Variants in ALG8 observed in about 807,000 individuals in gnomAD.
ALG8 encodes ALG8 alpha-1,3-glucosyltransferase.
A neutral mutation model predicts 70.2 loss-of-function variants in ALG8; 48 were observed. The observed-to-expected ratio is 0.68, with a 90% CI of 0.54 to 0.87. The LOEUF is 0.87. ALG8 is among the 40% of genes least tolerant of loss of function. The pLI is 0.00. For synonymous variants in ALG8, 234 were observed against 229.0 expected, an observed-to-expected ratio of 1.02 and a Z score of -0.20; for missense variants, 572 against 608.7, an observed-to-expected ratio of 0.94 and a Z score of 0.64.
At chr11:78,107,918 A>G (rs1860118029) in intron 9 of ALG8, among the ~76,000 whole-genome samples, 1 of 151,732 alleles carries the variant, frequency 6.6e-6, no homozygotes, top group African/African-American at 2.4e-5. Context: ...AGGCTGATGC[A>G]AGTCGATTAC....
chr11:78,106,977 T>C (rs1215895305), intron 9 of ALG8, 31 bp from the exon 10 acceptor site: 8 of 1,612,770 alleles, frequency 5.0e-6, no homozygotes, highest in Non-Finnish European at 6.8e-6. Context: ...TAAACTTCAG[T>C]ATCATTTGAA....
chr11:78,109,951 A>C (rs1480834608), intron 8 of ALG8, among the ~76,000 whole-genome samples: 1 of 152,100 alleles, frequency 6.6e-6, no homozygotes, highest in Non-Finnish European at 1.5e-5. Flanking sequence ...ATTCCTAAAC[A>C]TAGTATCCAG....
intron 8 of ALG8, among the ~76,000 whole-genome samples, chr11:78,111,824 A>G (rs949830290): frequency 3.3e-5 from 5 of 152,246 alleles, no homozygotes; most frequent in South Asian, 2.1e-4. Flanking sequence ...ATCTCAAACC[A>G]TAACTTATTT....
At chr11:78,131,741 C>G (rs527887344) in intron 1 of ALG8, among the ~76,000 whole-genome samples, 1 of 152,140 alleles carries the variant, frequency 6.6e-6, no homozygotes, top group Non-Finnish European at 1.5e-5. Context: ...GCTGGGATTA[C>G]AGGTGTGAGC....
At chr11:78,126,068 A>T (rs983192508) in intron 2 of ALG8, among the ~76,000 whole-genome samples, 4 of 152,032 alleles carry the variant, frequency 2.6e-5, no homozygotes. Context: ...CTGAGGCAGG[A>T]GAATGGCGTG....
chr11:78,113,861 G>GAAAAAAAAAAAAAAAAAA, intron 7 of ALG8, 25 bp downstream of exon 7: 6 of 1,241,918 alleles, frequency 4.8e-6, no homozygotes, highest in African/African-American at 4.2e-5. Context: ...TGTATTAATT[G>GAAAAAAAAAAAAAAAAAA]AAAAAAAAAA....
intron 2 of ALG8, among the ~76,000 whole-genome samples, chr11:78,126,889 T>C (rs1482461334): frequency 6.6e-6 from 1 of 152,204 alleles, no homozygotes; most frequent in African/African-American, 2.4e-5. Context: ...GAAACTCATT[T>C]TGAAGTAAGG....
In ALG8 at chr11:78,109,588, AAC is replaced by A. The variant is rs1332806068; in HGVS notation, c.899-9_899-8del. 1.2e-6 allele frequency: 2 copies of A among 1,611,964 alleles called. No individual in the cohort carries two copies. Among genetic ancestry groups the A allele is most frequent in the Middle Eastern group, 1.7e-4 (1 of 6,058 alleles). On this transcript the variant is annotated splice_polypyrimidine_tract_variant and splice_region_variant and intron_variant, in intron 8 of 12. Transcript: ENST00000299626. ...AGAAATTTCAATTTCAAACCTATTA[AAC>A]AGATATTTTGTTTTGTTTTATTTTT...
At chr11:78,123,306 GAAAAAAAAGAAAAAAAAAAAAA>G (rs1203813852) in intron 3 of ALG8, among the ~76,000 whole-genome samples, 4 of 21,044 alleles carry the variant, frequency 1.9e-4, no homozygotes, top group Non-Finnish European at 2.4e-4. Flanking sequence ...CCATCTCAGG[GAAAAAAAAGAAAAAAAAAAAAA>G]AAAAAAAAGA....
At chr11:78,108,330 G>A (rs1352356215) in intron 9 of ALG8, among the ~76,000 whole-genome samples, 2 of 151,926 alleles carry the variant, frequency 1.3e-5, no homozygotes, top group African/African-American at 4.8e-5. Flanking sequence ...CAATTAGCTG[G>A]GTGCAGTGGC....
Position 78,119,182 on chromosome 11 carries a change from C to G in ALG8, c.546G>C (p.Gln182His). 1.2e-6 allele frequency: 2 copies of G among 1,600,786 alleles called. No individual in the cohort carries two copies. The highest frequency in any genetic ancestry group is 1.7e-6 in the Non-Finnish European group (2 of 1,168,294). ...AATCTAATTAAACAATTATGTTTACCTGAAATAATCGTGCAATGGAGAGTA... is the reference window on the plus strand; with the variant it reads ...AATCTAATTAAACAATTATGTTTACGTGAAATAATCGTGCAATGGAGAGTA... ...LMLLSIARLF[Q>H]KRHMEGAFLF... The change falls in exon 5 of 13, where the codon CAG becomes CAC. Residue 182 changes from glutamine to histidine, a missense_variant and splice_region_variant. Coordinates refer to ENST00000299626, the MANE Select transcript of ALG8 (RefSeq NM_024079.5).
At chr11:78,113,765 T>C (rs1468849467) in intron 7 of ALG8, 121 bp downstream of exon 7, 15 of 770,290 alleles carry the variant, frequency 1.9e-5, no homozygotes, top group African/African-American at 1.5e-4. Context: ...GGGAGTCACG[T>C]TGGGTAAGGA....
At chr11:78,107,801 C>G (rs1860112355) in intron 9 of ALG8, 1 of 163,418 alleles carries the variant, frequency 6.1e-6, no homozygotes, top group African/African-American at 2.5e-5. Context: ...GAAATTGCGC[C>G]ACTGCACTCC....
In ALG8 at chr11:78,112,643, A is replaced by T. The variant is rs755138110; in HGVS notation, c.898+7T>A. 1.9e-6 allele frequency: 3 copies of T among 1,613,516 alleles called. No homozygotes were observed. The highest frequency in any genetic ancestry group is 2.5e-6 in the Non-Finnish European group (3 of 1,179,652). On this transcript the variant is annotated splice_region_variant and intron_variant, in intron 8 of 12. Transcript: ENST00000299626. ...AGAGTCTGAGTAAAAAATGCTCGCTACCATACCGATGACAGACAGCACTTT... is the reference window on the plus strand; with the variant it reads ...AGAGTCTGAGTAAAAAATGCTCGCTTCCATACCGATGACAGACAGCACTTT...
At chr11:78,123,628 C>T (rs1050530425) in intron 3 of ALG8, among the ~76,000 whole-genome samples, 7 of 152,126 alleles carry the variant, frequency 4.6e-5, no homozygotes, top group African/African-American at 1.7e-4. Context: ...CATACGTGTG[C>T]GCTACTGTGC....
chr11:78,114,453 T>C, intron 5 of ALG8, 61 bp from the exon 6 acceptor site: 1 of 1,589,864 alleles, frequency 6.3e-7, no homozygotes, highest in Non-Finnish European at 8.6e-7. Flanking sequence ...TGCAATAATG[T>C]GGTATTCTAG....
chr11:78,132,862 A>C (rs1590842889), intron 1 of ALG8, among the ~76,000 whole-genome samples: 2 of 120,696 alleles, frequency 1.7e-5, no homozygotes, highest in African/African-American at 6.4e-5. Flanking sequence ...TTTTAGATGG[A>C]GTCTCACTCT....
rs994152117 is a variant in ALG8, at chr11:78,112,515, A to G, written c.898+135T>C. 3.7e-6 allele frequency: 5 copies of G among 1,361,136 alleles called. No homozygotes were observed. In the African/African-American group the frequency reaches 5.8e-5, roughly 16 times the overall value. The allele number at this position is 1,361,136 out of a possible 1,614,324, so 84.3% of individuals were successfully genotyped here. On this transcript the variant is annotated intron_variant, in intron 8 of 12. Coordinates refer to ENST00000299626, the MANE Select transcript of ALG8 (RefSeq NM_024079.5). Reference sequence around the variant, plus strand: ...GTCCCAAGAACTGCTCCCCCTGTTCATCCTGAAAGCTGAAATGCAGGACTG... The same window carrying G: ...GTCCCAAGAACTGCTCCCCCTGTTCGTCCTGAAAGCTGAAATGCAGGACTG...
rs771302854 is a variant in ALG8, at chr11:78,113,922, T to C, written c.741A>G (p.Leu247=). The C allele has an allele frequency of 1.5e-5, 23 of 1,524,658 alleles. No individual in the cohort carries two copies. The highest frequency in any genetic ancestry group is 1.9e-5 in the Non-Finnish European group (22 of 1,139,138). 94.4% of individuals were successfully genotyped at this position (1,524,658 alleles called of 1,614,324 possible). The change falls in exon 7 of 13, where the codon TTA becomes TTG. Residue 247 remains leucine (L), a synonymous_variant. Coordinates refer to ENST00000299626, the MANE Select transcript of ALG8 (RefSeq NM_024079.5). ...AAGGACCCAATGAAAGAGCAGAAAC[T>C]AAGAAAACAACCAGTCCCAGGGAAA... ...RVISLGLVVF[L]VSALSLGPFL...
Sources: gnomAD v4.1 joint callset for allele counts (sites outside exome capture counted in the v4.1 genomes callset) on GRCh38, gnomAD v4.1.1 for gene constraint, MANE v1.5 for transcripts, NCBI Gene and HGNC (gene_info 2026-07-23, HGNC 2026-07-21) for gene names.